The following DPPA3 variants were observed in gnomAD, a reference collection of about 807,000 sequenced individuals.
DPPA3 encodes developmental pluripotency associated 3, also known as developmental pluripotency-associated protein 3.
In DPPA3, 9 loss-of-function variants were observed where a neutral mutation model predicts 15.6. The observed-to-expected ratio is 0.58, with a 90% CI of 0.35 to 1.01. DPPA3 has a LOEUF of 1.01. DPPA3 is among the 50% of genes least tolerant of loss of function. DPPA3 has a pLI of 0.02. For missense variants in DPPA3, 148 were observed against 194.6 expected (o/e 0.76, Z 1.42); for synonymous variants, 61 against 70.9 (o/e 0.86, Z 0.70).
chr12:7,716,291 T>C (rs748272388), intron 3 of DPPA3, 52 bp downstream of exon 3: 12 of 1,305,664 alleles, frequency 9.2e-6, no homozygotes, highest in Non-Finnish European at 1.3e-5. Flanking sequence ...TGGCTATATA[T>C]GTGGATGGGT....
rs1246573489 is a variant in DPPA3, at chr12:7,711,746, TTTTA to T, written c.82+95_82+98del. ...TTTTTTTTTTTTTTTTTTTTTTTTT[TTTTA>T]ATGTTGACTTCAGTCTTTGCAAGAG... On this transcript the variant is annotated intron_variant, in intron 1 of 3. Coordinates refer to ENST00000345088, the MANE Select transcript of DPPA3 (RefSeq NM_199286.4). The T allele has an allele frequency of 3.6e-6, 3 of 828,886 alleles. No individual in the cohort carries two copies. The African/African-American group carries it at 5.8e-5, about 16-fold the overall frequency. The allele number at this position is 828,886 out of a possible 1,614,324, so 51.3% of individuals were successfully genotyped here.
intron 2 of DPPA3, among the ~76,000 whole-genome samples, chr12:7,715,800 A>G (rs965591661): frequency 3.9e-5 from 6 of 152,084 alleles, no homozygotes; most frequent in African/African-American, 1.4e-4. Flanking sequence ...AAGCGTCTCA[A>G]AAAAAGACTC....
In DPPA3 at chr12:7,715,415, C is replaced by G; in HGVS notation, c.315C>G (p.Gly105=). 6.2e-7 allele frequency: 1 copy of G among 1,613,948 alleles called. No homozygotes were observed. Among genetic ancestry groups the G allele is most frequent in the Non-Finnish European group, 8.5e-7 (1 of 1,179,952 alleles). ...CAAGATTGAGATACATGTTACTCGG[C>G]GGAGTTCGTACGGTATGTTGATGTG... The part of the protein sequence containing the change: ...KMARLRYMLL[G]GVRTHERRPT... The change falls in exon 2 of 4, where the codon GGC becomes GGG. Residue 105 remains glycine (G), a synonymous_variant. Coordinates refer to ENST00000345088, the MANE Select transcript of DPPA3 (RefSeq NM_199286.4).
intron 3 of DPPA3, among the ~76,000 whole-genome samples, chr12:7,716,466 C>T (rs967309438): frequency 6.6e-6 from 1 of 152,088 alleles, no homozygotes; most frequent in Non-Finnish European, 1.5e-5. Context: ...CTTTCCCCCA[C>T]ACCCCACACA....
At chr12:7,712,574 A>C (rs904511743) in intron 1 of DPPA3, among the ~76,000 whole-genome samples, 34 of 151,874 alleles carry the variant, frequency 2.2e-4, no homozygotes, top group Non-Finnish European at 1.5e-4. Flanking sequence ...CAGCCTCCAA[A>C]GTAGCTGGAT....
chr12:7,711,611 C>T lies in DPPA3; in HGVS notation c.41C>T (p.Ser14Phe), dbSNP rs1341905156. Residue 14 changes from serine to phenylalanine, a missense_variant, in exon 1 of 4, where the codon TCT becomes TTT. Coordinates refer to ENST00000345088, the MANE Select transcript of DPPA3 (RefSeq NM_199286.4). The part of the protein sequence containing the change: ...SQFNPTYIPG[S>F]PQMLTEENSR... ...TTTAATCCAACCTACATCCCAGGGT[C>T]TCCACAAATGCTCACCGAAGAAAAT... 2 of 1,612,320 alleles carry T rather than the reference C, an allele frequency of 1.2e-6. No homozygotes were observed. Among genetic ancestry groups the T allele is most frequent in the Non-Finnish European group, 8.5e-7 (1 of 1,179,132 alleles).
chr12:7,714,149 G>A (rs1864373575), intron 1 of DPPA3, among the ~76,000 whole-genome samples: 1 of 152,090 alleles, frequency 6.6e-6, no homozygotes, highest in Non-Finnish European at 1.5e-5. Flanking sequence ...AGAATGGCGT[G>A]AACCCGGGAG....
Position 7,716,980 on chromosome 12 carries a change from C to T in DPPA3, c.383C>T (p.Pro128Leu). 6.2e-7 allele frequency: 1 copy of T among 1,612,728 alleles called. No individual in the cohort carries two copies. The highest frequency in any genetic ancestry group is 8.5e-7 in the Non-Finnish European group (1 of 1,179,158). ...EPKGVKKESR[P>L]FKCPCSFCVS... Reference sequence around the variant, plus strand: ...ATTTTTTTTCAGAAGGAATCAAGACCATTCAAATGTCCCTGCAGTTTCTGC... The same window carrying T: ...ATTTTTTTTCAGAAGGAATCAAGACTATTCAAATGTCCCTGCAGTTTCTGC... The change falls in exon 4 of 4, where the codon CCA becomes CTA. Residue 128 changes from proline to leucine, a missense_variant. Transcript: ENST00000345088.
intron 3 of DPPA3, among the ~76,000 whole-genome samples, chr12:7,716,607 TCAC>T (rs58065556): frequency 0.68 from 103,354 of 151,432 alleles, 36,220 homozygotes; most frequent in Non-Finnish European, 0.77. Context: ...GTTGATACTT[TCAC>T]GTGCTGTCAC....
Position 7,717,303 on chromosome 12 carries a change from G to GAAGCC in DPPA3, c.*230_*234dup, listed in dbSNP as rs1864411929. On this transcript the variant is annotated 3_prime_UTR_variant, in exon 4 of 4. Coordinates refer to ENST00000345088, the MANE Select transcript of DPPA3 (RefSeq NM_199286.4). ...GCTCTACTGTTTGATTTGACCCAAA[G>GAAGCC]AAGCCAAGATGATATAAGTATTCCC... The GAAGCC allele has an allele frequency of 2.3e-6, 1 of 436,742 alleles. No homozygotes were observed. Among genetic ancestry groups the GAAGCC allele is most frequent in the South Asian group, 4.8e-5 (1 of 20,790 alleles). 27.1% of individuals were successfully genotyped at this position (436,742 alleles called of 1,614,324 possible). A position where few individuals can be genotyped will look rare whatever the true frequency, so the allele number is the denominator to read the frequency against.
At chr12:7,711,676 G>C (rs777011042) in intron 1 of DPPA3, 24 bp downstream of exon 1, 5 of 1,455,564 alleles carry the variant, frequency 3.4e-6, no homozygotes, top group Non-Finnish European at 4.6e-6. Context: ...TGCCCTTCTT[G>C]ACTATCTGAC....
At chr12:7,715,535 C>T (rs1565454982) in intron 2 of DPPA3, 108 bp downstream of exon 2, 2 of 1,542,044 alleles carry the variant, frequency 1.3e-6, no homozygotes, top group East Asian at 2.3e-5. Flanking sequence ...GTGGCTGAGG[C>T]CTGTAATCTG....
intron 1 of DPPA3, among the ~76,000 whole-genome samples, chr12:7,712,205 G>A (rs1864353534): frequency 6.6e-6 from 1 of 151,068 alleles, no homozygotes; most frequent in Non-Finnish European, 1.5e-5. Context: ...TTGAGCCACT[G>A]CGCCCGGCCA....
At chr12:7,714,539 G>A (rs1864377334) in intron 1 of DPPA3, among the ~76,000 whole-genome samples, 1 of 151,460 alleles carries the variant, frequency 6.6e-6, no homozygotes, top group Admixed American at 6.6e-5. Flanking sequence ...TTGAGACGGA[G>A]TTTTGCTCTT....
At chr12:7,716,879 C>A (rs1288448827) in intron 3 of DPPA3, 88 bp from the exon 4 acceptor site, 6 of 1,266,280 alleles carry the variant, frequency 4.7e-6, no homozygotes, top group Non-Finnish European at 6.9e-6. Flanking sequence ...CCAACACTTA[C>A]CAAAATAAAC....
chr12:7,716,269 C>T (rs1387978327), intron 3 of DPPA3, 30 bp downstream of exon 3: 69 of 1,309,778 alleles, frequency 5.3e-5, no homozygotes, highest in African/African-American at 1.9e-4. Context: ...TTTTATTTTC[C>T]TTTTTTTTTT....
In DPPA3 at chr12:7,711,618, A is replaced by G; in HGVS notation, c.48A>G (p.Gln16=). The G allele has an allele frequency of 1.9e-6, 3 of 1,613,270 alleles. No individual in the cohort carries two copies. Among genetic ancestry groups the G allele is most frequent in the Non-Finnish European group, 2.5e-6 (3 of 1,179,688 alleles). ...CAACCTACATCCCAGGGTCTCCACA[A>G]ATGCTCACCGAAGAAAATTCCCGGG... ...FNPTYIPGSP[Q]MLTEENSRDD... Residue 16 remains glutamine (Q), a synonymous_variant, in exon 1 of 4, where the codon CAA becomes CAG. Transcript: ENST00000345088.
intron 2 of DPPA3, 30 bp downstream of exon 2, chr12:7,715,457 C>A: frequency 6.2e-7 from 1 of 1,613,422 alleles, no homozygotes; most frequent in South Asian, 1.1e-5. Flanking sequence ...CCGGGGCTGT[C>A]CAATTCCGGA....
chr12:7,713,308 G>A (rs1487923220), intron 1 of DPPA3, among the ~76,000 whole-genome samples: 1 of 152,226 alleles, frequency 6.6e-6, no homozygotes, highest in African/African-American at 2.4e-5. Flanking sequence ...CCAGAAGAAA[G>A]AATGCTGGTC....
Sources: allele counts gnomAD v4.1 joint callset (sites outside exome capture counted in the v4.1 genomes callset), GRCh38; gene constraint gnomAD v4.1.1; transcripts MANE v1.5; gene names NCBI Gene and HGNC (gene_info 2026-07-23, HGNC 2026-07-21).